Variants in CDH7 observed in about 807,000 individuals in gnomAD.
CDH7 encodes the protein cadherin-7.
A neutral mutation model predicts 71.8 loss-of-function variants in CDH7; 25 were observed. The observed-to-expected ratio is 0.35, with a 90% CI of 0.25 to 0.49. The LOEUF (loss-of-function observed/expected upper bound fraction) is 0.49. CDH7 is among the 20% of genes least tolerant of loss of function. The probability of loss-of-function intolerance (pLI) is 0.99; values close to 1 mark genes in which losing one functional copy is unlikely to be tolerated. For synonymous variants in CDH7, 381 were observed against 363.8 expected (o/e 1.05, Z -0.54); for missense variants, 862 against 974.6 (o/e 0.88, Z 1.54).
chr18:65,765,562 T>C (rs1916333693), intron 2 of CDH7, among the ~76,000 whole-genome samples: 2 of 151,902 alleles, frequency 1.3e-5, no homozygotes, highest in African/African-American at 4.8e-5. Flanking sequence ...AAGAAATGGC[T>C]GGGCAGATAA....
intron 2 of CDH7, among the ~76,000 whole-genome samples, chr18:65,784,408 C>G (rs1021135483): frequency 3.3e-5 from 5 of 152,038 alleles, no homozygotes; most frequent in African/African-American, 9.7e-5. Flanking sequence ...GAGTGGCCTA[C>G]TATGCTTGAG....
At chr18:65,795,632 CATG>C (rs1419367725) in intron 2 of CDH7, among the ~76,000 whole-genome samples, 3 of 152,202 alleles carry the variant, frequency 2.0e-5, no homozygotes, top group Non-Finnish European at 2.9e-5. Context: ...TGGATTTGTG[CATG>C]ATATTAGATA....
intron 6 of CDH7, among the ~76,000 whole-genome samples, chr18:65,836,684 A>AAATAAT (rs71167155): frequency 6.0e-5 from 9 of 150,154 alleles, no homozygotes; most frequent in East Asian, 2.0e-4. Flanking sequence ...AGTATAATTA[A>AAATAAT]AATAATAATA....
chr18:65,771,505 A>C (rs184488520), intron 2 of CDH7, among the ~76,000 whole-genome samples: 10 of 151,790 alleles, frequency 6.6e-5, no homozygotes, highest in African/African-American at 2.2e-4. Flanking sequence ...ATAAAAATAA[A>C]AAACAAACAA....
At chr18:65,797,691 T>C (rs1208685573) in intron 2 of CDH7, among the ~76,000 whole-genome samples, 1 of 152,204 alleles carries the variant, frequency 6.6e-6, no homozygotes, top group Non-Finnish European at 1.5e-5. Context: ...TGTTCTGAAA[T>C]TGAAATTATG....
At chr18:65,875,458 T>C (rs1364363805) in intron 11 of CDH7, among the ~76,000 whole-genome samples, 2 of 152,220 alleles carry the variant, frequency 1.3e-5, no homozygotes, top group Non-Finnish European at 2.9e-5. Flanking sequence ...AAGCTGAGAA[T>C]AAAGGTGCCC....
chr18:65,765,351 A>T (rs1283531411), intron 2 of CDH7, among the ~76,000 whole-genome samples: 2 of 152,006 alleles, frequency 1.3e-5, no homozygotes, highest in East Asian at 3.9e-4. Flanking sequence ...TGATGAAATG[A>T]TTCTTTTTAT....
At chr18:65,858,682 A>G (rs1913450792) in intron 8 of CDH7, among the ~76,000 whole-genome samples, 1 of 152,064 alleles carries the variant, frequency 6.6e-6, no homozygotes, top group South Asian at 2.1e-4. Flanking sequence ...ATACATAAGT[A>G]TGTATACATA....
chr18:65,879,633 G>A (rs2144070890), intron 11 of CDH7, among the ~76,000 whole-genome samples: 1 of 152,288 alleles, frequency 6.6e-6, no homozygotes, highest in East Asian at 1.9e-4. Context: ...CAAATAACCA[G>A]TGTAGTTGTT....
chr18:65,777,252 G>A (rs563308356), intron 2 of CDH7, among the ~76,000 whole-genome samples: 3 of 152,196 alleles, frequency 2.0e-5, no homozygotes, highest in South Asian at 2.1e-4. Flanking sequence ...ATGTGAAGAC[G>A]AGTATTTCTT....
intron 1 of CDH7, among the ~76,000 whole-genome samples, chr18:65,758,150 G>A (rs542493662): frequency 6.6e-6 from 1 of 152,120 alleles, no homozygotes; most frequent in Admixed American, 6.5e-5. Flanking sequence ...TTATAAAGAG[G>A]TTATACAGTG....
At chr18:65,756,183 T>G (rs1029013749) in intron 1 of CDH7, among the ~76,000 whole-genome samples, 1 of 152,216 alleles carries the variant, frequency 6.6e-6, no homozygotes, top group Non-Finnish European at 1.5e-5. Context: ...TAAAGCAATC[T>G]TGGAAATGAC....
chr18:65,769,698 C>T (rs1414943734), intron 2 of CDH7, among the ~76,000 whole-genome samples: 1 of 152,134 alleles, frequency 6.6e-6, no homozygotes, highest in East Asian at 1.9e-4. Context: ...TGGGATAGTT[C>T]CTTAGTCTTT....
intron 2 of CDH7, among the ~76,000 whole-genome samples, chr18:65,787,347 A>G (rs150855134): frequency 1.6e-3 from 245 of 152,256 alleles, no homozygotes; most frequent in African/African-American, 5.5e-3. Flanking sequence ...TTGCTGCCAT[A>G]GTTGGTGCTG....
chr18:65,869,596 T>C (rs529218236), intron 11 of CDH7, among the ~76,000 whole-genome samples: 2 of 136,622 alleles, frequency 1.5e-5, no homozygotes, highest in Admixed American at 8.6e-5. Context: ...TTCTTTGGCT[T>C]CTGAGTCCAG....
At chr18:65,763,170 ACAT>A (rs1226316291) in intron 2 of CDH7, 118 bp downstream of exon 2, 5 of 528,160 alleles carry the variant, frequency 9.5e-6, no homozygotes, top group Non-Finnish European at 1.2e-5. Context: ...TAAACACAAG[ACAT>A]CATTTCTATG....
Position 65,751,280 on chromosome 18 carries a change from T to TG in CDH7, c.-197+130_-197+131insG, listed in dbSNP as rs1380167160. 6 of 152,686 alleles carry TG rather than the reference T, an allele frequency of 3.9e-5. No individual in the cohort carries two copies. The East Asian group carries it at 1.2e-3, about 30-fold the overall frequency. The allele number at this position is 152,686 out of a possible 1,614,324, so 9.5% of individuals were successfully genotyped here. On this transcript the variant is annotated intron_variant, in intron 1 of 11. Transcript: ENST00000397968. ...CGGGGATGTCCGTGTGGAGTTTCCC[T>TG]TGGCGTCCCCAAGTTACTGCGTGTT...
At position 65,888,563 on chromosome 18, in the gene CDH7, A is replaced by T. The variant is rs1488710043; in HGVS notation, c.*7669A>T. ...TTTGATATTTTCTTCTAAGTGACTGATTTTTAATATAAAAGTATCACAATA... is the reference window on the plus strand; with the variant it reads ...TTTGATATTTTCTTCTAAGTGACTGTTTTTTAATATAAAAGTATCACAATA... On this transcript the variant is annotated 3_prime_UTR_variant, in exon 12 of 12. Transcript: ENST00000397968. 1 of 152,152 alleles carries T rather than the reference A, an allele frequency of 6.6e-6. No homozygotes were observed. Among genetic ancestry groups the T allele is most frequent in the African/African-American group, 2.4e-5 (1 of 41,418 alleles). The allele number at this position is 152,152 out of a possible 1,614,324, so 9.4% of individuals were successfully genotyped here.
At chr18:65,843,636 G>T (rs1036593775) in intron 6 of CDH7, among the ~76,000 whole-genome samples, 176 bp from the exon 7 acceptor site, 1 of 152,088 alleles carries the variant, frequency 6.6e-6, no homozygotes, top group Non-Finnish European at 1.5e-5. Context: ...CATTGTTTGT[G>T]AGCCAGGAAA....
Sources: allele counts gnomAD v4.1 joint callset (sites outside exome capture counted in the v4.1 genomes callset), GRCh38; gene constraint gnomAD v4.1.1; transcripts MANE v1.5; gene names NCBI Gene and HGNC (gene_info 2026-07-23, HGNC 2026-07-21).